Variants in PRKN observed in about 807,000 individuals in gnomAD.
PRKN encodes the protein E3 ubiquitin-protein ligase parkin.
In PRKN, 56 loss-of-function variants were observed where a neutral mutation model predicts 59.5. That is an observed-to-expected ratio of 0.94 (90% CI 0.76 to 1.18). The LOEUF is 1.18. Ranked by LOEUF, PRKN falls within the 50% of genes most tolerant of loss-of-function variation. The pLI, the probability that PRKN is intolerant of heterozygous loss-of-function variation, is 0.00. For missense variants in PRKN, 657 were observed against 596.4 expected (o/e 1.10, Z -1.06); for synonymous variants, 250 against 222.1 (o/e 1.13, Z -1.12).
intron 1 of PRKN, among the ~76,000 whole-genome samples, chr6:162,476,173 T>C (rs1171179332): frequency 2.6e-5 from 4 of 151,582 alleles, no homozygotes; most frequent in African/African-American, 4.9e-5. Flanking sequence ...TTCTCCTGCC[T>C]CAGCCTCCCG....
chr6:162,123,521 C>CCACAAAA (rs1781004893), intron 4 of PRKN, among the ~76,000 whole-genome samples: 1 of 152,068 alleles, frequency 6.6e-6, no homozygotes, highest in Non-Finnish European at 1.5e-5. Flanking sequence ...TTGTGGTTAA[C>CCACAAAA]TTTATCATTT....
intron 9 of PRKN, among the ~76,000 whole-genome samples, chr6:161,394,838 T>C (rs1342024328): frequency 6.6e-6 from 1 of 152,198 alleles, no homozygotes; most frequent in Non-Finnish European, 1.5e-5. Context: ...GAATTAACTA[T>C]CCAGTCTATA....
At chr6:162,612,597 CA>C (rs10581049) in intron 1 of PRKN, among the ~76,000 whole-genome samples, 160 of 122,826 alleles carry the variant, frequency 1.3e-3, no homozygotes, top group African/African-American at 2.3e-3. Flanking sequence ...AACTCCATCT[CA>C]AAAAAAAAAA....
chr6:162,348,971 T>C (rs1201448819), intron 2 of PRKN, among the ~76,000 whole-genome samples: 3 of 152,170 alleles, frequency 2.0e-5, no homozygotes, highest in Non-Finnish European at 2.9e-5. Flanking sequence ...AGACAGATTA[T>C]GGACAATTTT....
chr6:162,201,216 C>T lies in PRKN; in HGVS notation c.449G>A (p.Cys150Tyr), dbSNP rs757483787. 5 of 1,613,860 alleles carry T rather than the reference C, an allele frequency of 3.1e-6. No individual in the cohort carries two copies. The highest frequency in any genetic ancestry group is 4.2e-6 in the Non-Finnish European group (5 of 1,179,812). The change falls in exon 4 of 12, where the codon TGC (cysteine) becomes TAC (tyrosine). Residue 150 changes from cysteine (C) to tyrosine (Y), a missense_variant. Transcript: ENST00000366898. ...CTGCACTCTTTGACAGGGGCCTTTG[C>T]AATACACATAAAAGCTGTTGTAGAT... is the stretch of plus-strand genomic sequence containing the variant. ...RSIYNSFYVY[C>Y]KGPCQRVQPG... is the part of the protein sequence containing the mutation.
rs1341707644 is a variant in PRKN, at chr6:162,443,647, C to T, written c.8-174G>A. ...GCTATAGAGCAATATTTGGGAAAAACAGAGTTAGTTACCCACGAGATTTCC... is the reference window on the plus strand; with the variant it reads ...GCTATAGAGCAATATTTGGGAAAAATAGAGTTAGTTACCCACGAGATTTCC... On this transcript the variant is annotated intron_variant, in intron 1 of 11. Coordinates refer to ENST00000366898, the MANE Select transcript of PRKN (RefSeq NM_004562.3). Among the ~76,000 whole-genome samples, 8 of 152,136 alleles carry T rather than the reference C, an allele frequency of 5.3e-5. No individual in the cohort carries two copies. The East Asian group carries it at 1.5e-3, about 29-fold the overall frequency.
intron 9 of PRKN, among the ~76,000 whole-genome samples, chr6:161,406,382 T>C (rs1000944307): frequency 1.3e-5 from 2 of 152,088 alleles, no homozygotes; most frequent in Admixed American, 6.6e-5. Context: ...TTTTCTCAAA[T>C]CCACCAAAAA....
chr6:162,142,627 A>T (rs998520000), intron 4 of PRKN, among the ~76,000 whole-genome samples: 1 of 152,212 alleles, frequency 6.6e-6, no homozygotes, highest in Non-Finnish European at 1.5e-5. Flanking sequence ...TAATCAAATT[A>T]TTTGAGTTAA....
intron 5 of PRKN, among the ~76,000 whole-genome samples, chr6:162,023,107 C>T (rs1382837156): frequency 6.6e-6 from 1 of 151,820 alleles, no homozygotes; most frequent in Non-Finnish European, 1.5e-5. Context: ...TCTTCAGAGC[C>T]CTGCTGCTCC....
chr6:161,449,933 C>T (rs550739075), intron 9 of PRKN, among the ~76,000 whole-genome samples: 1 of 152,172 alleles, frequency 6.6e-6, no homozygotes, highest in South Asian at 2.1e-4. Flanking sequence ...GAGACTTTAG[C>T]TGTTCCAGAG....
intron 6 of PRKN, among the ~76,000 whole-genome samples, chr6:161,846,154 G>A (rs1167416824): frequency 6.6e-6 from 1 of 152,140 alleles, no homozygotes; most frequent in Admixed American, 6.5e-5. Flanking sequence ...TATCCCATGT[G>A]AAGAGAAGTT....
intron 8 of PRKN, among the ~76,000 whole-genome samples, chr6:161,555,745 C>A (rs948304200): frequency 2.6e-5 from 4 of 152,146 alleles, no homozygotes; most frequent in Non-Finnish European, 5.9e-5. Flanking sequence ...ATTCCTCTAT[C>A]CTTTTGTGCA....
chr6:161,909,600 C>A (rs875785), intron 6 of PRKN, among the ~76,000 whole-genome samples: 8,391 of 152,146 alleles, frequency 0.055, 334 homozygotes, highest in Middle Eastern at 0.12. Flanking sequence ...ATGATGACTG[C>A]CAGGTGGCAC....
intron 2 of PRKN, among the ~76,000 whole-genome samples, chr6:162,311,922 T>G (rs1282036993): frequency 6.6e-6 from 1 of 152,058 alleles, no homozygotes; most frequent in African/African-American, 2.4e-5. Context: ...CAACTATCCC[T>G]TTTAAGTTTC....
At position 161,359,772 on chromosome 6, in the gene PRKN, A is replaced by T. The variant is rs765842542; in HGVS notation, c.1285+316T>A. Among the ~76,000 whole-genome samples the T allele has an allele frequency of 2.2e-4, 34 of 152,006 alleles. No homozygotes were observed. Among genetic ancestry groups the T allele is most frequent in the Non-Finnish European group, 4.3e-4 (29 of 67,998 alleles). ...GAAGGTCACCAGGGAGGACAGAAAA[A>T]CCACAGCTGCCTCCTGACTGCCACT... On this transcript the variant is annotated intron_variant, in intron 11 of 11. Transcript: ENST00000366898. This position sits in a 1 kb window ranked among gnomAD's most constrained non-coding sequence, Gnocchi z 5.4.
At chr6:162,707,653 C>T (rs551844089) in intron 1 of PRKN, among the ~76,000 whole-genome samples, 22 of 151,582 alleles carry the variant, frequency 1.5e-4, no homozygotes, top group Non-Finnish European at 2.9e-4. Context: ...CAGTTCACTG[C>T]AACCTCCAAC....
At chr6:161,421,198 T>C (rs2115028079) in intron 9 of PRKN, among the ~76,000 whole-genome samples, 2 of 152,336 alleles carry the variant, frequency 1.3e-5, no homozygotes, top group African/African-American at 4.8e-5. Flanking sequence ...AGTTGAGGCA[T>C]TCCTCATCTT....
chr6:161,710,409 G>C (rs1399768422), intron 7 of PRKN, among the ~76,000 whole-genome samples: 1 of 152,144 alleles, frequency 6.6e-6, no homozygotes, highest in Non-Finnish European at 1.5e-5. Flanking sequence ...ATTTAGGATG[G>C]GTTTACTGGA....
At chr6:162,586,146 C>A (rs369740209) in intron 1 of PRKN, among the ~76,000 whole-genome samples, 1 of 152,260 alleles carries the variant, frequency 6.6e-6, no homozygotes, top group African/African-American at 2.4e-5. Context: ...CCCCATTTAG[C>A]CTGACCCTAT....
Sources: gnomAD v4.1 joint callset for allele counts (sites outside exome capture counted in the v4.1 genomes callset) on GRCh38, gnomAD v4.1.1 for gene constraint, Gnocchi (gnomAD v3.1) non-coding constraint, MANE v1.5 for transcripts, NCBI Gene and HGNC (gene_info 2026-07-23, HGNC 2026-07-21) for gene names.